AGXT: variants seen among roughly 807,000 people sequenced by gnomAD.
AGXT encodes L-alanine: glyoxylate aminotransferase 1.
In AGXT, 41 loss-of-function variants were observed where a neutral mutation model predicts 46.9. That is an observed-to-expected ratio of 0.88 (90% CI 0.68 to 1.14). AGXT has a LOEUF of 1.14. Ranked by LOEUF, AGXT falls within the 50% of genes most tolerant of loss-of-function variation. The pLI, the probability that AGXT is intolerant of heterozygous loss-of-function variation, is 0.00. For synonymous variants in AGXT, 244 were observed against 227.9 expected (o/e 1.07, Z -0.64); for missense variants, 525 against 522.7 (o/e 1.00, Z -0.04).
chr2:240,876,242 C>A (rs533711542), intron 8 of AGXT, among the ~76,000 whole-genome samples: 1 of 152,270 alleles, frequency 6.6e-6, no homozygotes, highest in East Asian at 1.9e-4. Flanking sequence ...ATGCTCCCAA[C>A]CCTTCCATTG....
chr2:240,871,379 T>C lies in AGXT; in HGVS notation c.454T>C (p.Phe152Leu). The C allele has an allele frequency of 3.8e-6, 6 of 1,597,332 alleles. No homozygotes were observed. The highest frequency in any genetic ancestry group is 5.1e-6 in the Non-Finnish European group (6 of 1,172,592). ...GLAQHKPVLL[F>L]LTHGESSTGV... is the part of the protein sequence containing the mutation. ...GGCCCAGCACAAGCCAGTGCTGCTG[T>C]TCTTAACCCACGGGGAGTCGTCCAC... Residue 152 changes from phenylalanine (F) to leucine (L), a missense_variant, in exon 4 of 11, where the codon TTC (phenylalanine) becomes CTC (leucine). By Grantham distance (22) the Phe-to-Leu change is conservative. Transcript: ENST00000307503.
Position 240,869,320 on chromosome 2 carries a change from G to A in AGXT, c.316G>A (p.Gly106Ser). Residue 106 changes from glycine to serine, a missense_variant, in exon 2 of 11, where the codon GGC becomes AGC. Coordinates refer to ENST00000307503, the MANE Select transcript of AGXT (RefSeq NM_000030.3). ...GGACTCCTTCCTGGTTGGGGCCAAT[G>A]GCATTTGGGGGCAGCGAGCCGTGGA... is the stretch of plus-strand genomic sequence containing the variant. ...PGDSFLVGAN[G>S]IWGQRAVDIG... 6.2e-7 allele frequency: 1 copy of A among 1,610,024 alleles called. No individual in the cohort carries two copies. Among genetic ancestry groups the A allele is most frequent in the Non-Finnish European group, 8.5e-7 (1 of 1,177,354 alleles).
intron 8 of AGXT, among the ~76,000 whole-genome samples, chr2:240,876,605 A>G (rs1426115890): frequency 2.0e-5 from 3 of 152,156 alleles, no homozygotes; most frequent in African/African-American, 7.2e-5. Context: ...GCCCATTGCC[A>G]GCCACCAGTC....
In AGXT at chr2:240,877,621, G is replaced by T. The variant is rs369821955; in HGVS notation, c.931G>T (p.Val311Leu). The change falls in exon 9 of 11, where the codon GTG (valine) becomes TTG (leucine). Residue 311 changes from valine to leucine, a missense_variant. Physicochemically the swap from Val to Leu is conservative, Grantham distance 32. Transcript: ENST00000307503. ...GCAGGCACTGGGGCTGCAGCTCTTCGTGAAGGACCCGGTAAGGAGGCCCCT... is the reference window on the plus strand; with the variant it reads ...GCAGGCACTGGGGCTGCAGCTCTTCTTGAAGGACCCGGTAAGGAGGCCCCT... The part of the protein sequence containing the change: ...RLQALGLQLF[V>L]KDPALRLPTV... The T allele has an allele frequency of 6.4e-7, 1 of 1,550,918 alleles. No homozygotes were observed. The highest frequency in any genetic ancestry group is 8.7e-7 in the Non-Finnish European group (1 of 1,147,032).
chr2:240,879,026 G>T lies in AGXT; in HGVS notation c.*205G>T, dbSNP rs975186852. ...GGCACCTCCTGGAAACAGTCCACTTGGGCGCAAAACCCAGTGCCTTCCAAA... is the reference window on the plus strand; with the variant it reads ...GGCACCTCCTGGAAACAGTCCACTTTGGCGCAAAACCCAGTGCCTTCCAAA... On this transcript the variant is annotated 3_prime_UTR_variant, in exon 11 of 11. Transcript: ENST00000307503. 1.5e-5 allele frequency: 9 copies of T among 617,096 alleles called. No individual in the cohort carries two copies. The highest frequency in any genetic ancestry group is 1.0e-4 in the Admixed American group (4 of 38,116). The allele number at this position is 617,096 out of a possible 1,614,324, so 38.2% of individuals were successfully genotyped here. A position where few individuals can be genotyped will look rare whatever the true frequency, so the allele number is the denominator to read the frequency against.
intron 10 of AGXT, 96 bp from the exon 11 acceptor site, chr2:240,878,614 CCTCA>C: frequency 8.7e-7 from 1 of 1,146,578 alleles, no homozygotes; most frequent in Non-Finnish European, 1.3e-6. Context: ...GGTGGGTGGT[CCTCA>C]CTCAGGTGAG....
At chr2:240,872,912 G>A in intron 4 of AGXT, 67 bp from the exon 5 acceptor site, 1 of 1,408,540 alleles carries the variant, frequency 7.1e-7, no homozygotes, top group South Asian at 1.2e-5. Flanking sequence ...CATCCAGCCT[G>A]GGGCCAGGCC....
intron 8 of AGXT, 37 bp downstream of exon 8, chr2:240,876,041 A>T (rs1361251576): frequency 6.2e-7 from 1 of 1,608,710 alleles, no homozygotes; most frequent in Non-Finnish European, 8.5e-7. Flanking sequence ...AGACAGGGCC[A>T]CTGGCTGGAT....
chr2:240,870,774 T>G, intron 3 of AGXT, 66 bp downstream of exon 3: 1 of 1,476,436 alleles, frequency 6.8e-7, no homozygotes, highest in East Asian at 2.5e-5. Flanking sequence ...GCTCAGGGGC[T>G]GCCTGGAATT....
At chr2:240,871,277 A>G in intron 3 of AGXT, 72 bp from the exon 4 acceptor site, 2 of 1,333,180 alleles carry the variant, frequency 1.5e-6, no homozygotes, top group Middle Eastern at 2.3e-4. Context: ...TGTGCCACCC[A>G]TGGGGGGTTT....
chr2:240,870,559 C>T, intron 2 of AGXT, 85 bp from the exon 3 acceptor site: 5 of 1,494,430 alleles, frequency 3.3e-6, no homozygotes, highest in Admixed American at 3.9e-5. Context: ...CCTCACAGGG[C>T]CCTGCTCAGC....
chr2:240,870,830 C>G (rs1290417046), intron 3 of AGXT, 122 bp downstream of exon 3: 13 of 943,142 alleles, frequency 1.4e-5, no homozygotes, highest in Non-Finnish European at 2.0e-5. Context: ...TGGTGGCTGA[C>G]CCTCAGCCCA....
chr2:240,872,319 A>G (rs1272395187), intron 4 of AGXT, among the ~76,000 whole-genome samples: 1 of 133,210 alleles, frequency 7.5e-6, no homozygotes, highest in African/African-American at 2.9e-5. Flanking sequence ...GAGTTCGTGA[A>G]CATGGAGGAG....
rs975810204 is a variant in AGXT at position 240,880,148 on chromosome 2, T to C, written c.*1327T>C. The C allele has an allele frequency of 6.6e-5, 10 of 152,228 alleles. No individual in the cohort carries two copies. The highest frequency in any genetic ancestry group is 2.4e-4 in the African/African-American group (10 of 41,456). The allele number at this position is 152,228 out of a possible 1,614,324, so 9.4% of individuals were successfully genotyped here. On this transcript the variant is annotated 3_prime_UTR_variant, in exon 11 of 11. Transcript: ENST00000307503. ...TTTTCATTTTTCTTGGATAAATAAC[T>C]AGGAGTGGAATTGCAGGGTCATACA...
chr2:240,870,636 G>C lies in AGXT; in HGVS notation c.359-8G>C, dbSNP rs777932746. 2.6e-6 allele frequency: 4 copies of C among 1,551,092 alleles called. No homozygotes were observed. The highest frequency in any genetic ancestry group is 1.7e-4 in the Middle Eastern group (1 of 5,910). The stretch of plus-strand genomic sequence containing the variant: ...GGACACTCACGGCCCACTCTGTCCT[G>C]CACCCAGGAGCCCGAGTGCACCCGA... On this transcript the variant is annotated splice_region_variant and splice_polypyrimidine_tract_variant and intron_variant, in intron 2 of 10. Coordinates refer to ENST00000307503, the MANE Select transcript of AGXT (RefSeq NM_000030.3).
chr2:240,877,952 A>G, intron 9 of AGXT, 70 bp from the exon 10 acceptor site: 12 of 1,587,704 alleles, frequency 7.6e-6, no homozygotes, highest in Non-Finnish European at 1.0e-5. Flanking sequence ...CAGATGGTGC[A>G]GGCCAAGAGC....
rs180177191 is a variant in AGXT at position 240,868,893 on chromosome 2, C to T, written c.28C>T (p.Pro10Ser). Reference sequence around the variant, plus strand: ...GGCCTCTCACAAGCTGCTGGTGACCCCCCCCAAGGCCCTGCTCAAGCCCCT... The same window carrying T: ...GGCCTCTCACAAGCTGCTGGTGACCTCCCCCAAGGCCCTGCTCAAGCCCCT... MASHKLLVT[P>S]PKALLKPLSI... Residue 10 changes from proline (P) to serine (S), a missense_variant, in exon 1 of 11, where the codon CCC (proline) becomes TCC (serine). By Grantham distance (74) the Pro-to-Ser change is moderately conservative. Coordinates refer to ENST00000307503, the MANE Select transcript of AGXT (RefSeq NM_000030.3). The T allele has an allele frequency of 2.4e-5, 38 of 1,612,864 alleles. No individual in the cohort carries two copies. Among genetic ancestry groups the T allele is most frequent in the Non-Finnish European group, 1.9e-5 (23 of 1,179,892 alleles).
chr2:240,876,526 C>G (rs2059025579), intron 8 of AGXT, among the ~76,000 whole-genome samples: 1 of 152,194 alleles, frequency 6.6e-6, no homozygotes, highest in African/African-American at 2.4e-5. Flanking sequence ...TGGCCTCAGG[C>G]CCAGCAGCTC....
chr2:240,869,347 A>G lies in AGXT; in HGVS notation c.343A>G (p.Ile115Val), dbSNP rs2058979053. 1.3e-6 allele frequency: 2 copies of G among 1,599,278 alleles called. No individual in the cohort carries two copies. Among genetic ancestry groups the G allele is most frequent in the Non-Finnish European group, 1.7e-6 (2 of 1,171,662 alleles). ...CATTTGGGGGCAGCGAGCCGTGGAC[A>G]TCGGGGAGCGCATAGGTAAGGGAGA... is the stretch of plus-strand genomic sequence containing the variant. The part of the protein sequence containing the change: ...NGIWGQRAVD[I>V]GERIGARVHP... The change falls in exon 2 of 11, where the codon ATC becomes GTC. Residue 115 changes from isoleucine (I) to valine (V), a missense_variant. Ile to Val is a conservative substitution (Grantham distance 29). Coordinates refer to ENST00000307503, the MANE Select transcript of AGXT (RefSeq NM_000030.3).
Sources: gnomAD v4.1 joint callset for allele counts (sites outside exome capture counted in the v4.1 genomes callset) on GRCh38, gnomAD v4.1.1 for gene constraint, MANE v1.5 for transcripts, NCBI Gene and HGNC (gene_info 2026-07-23, HGNC 2026-07-21) for gene names.